The following TRPC7 variants were observed in gnomAD, a reference collection of about 807,000 sequenced individuals.
TRPC7 encodes transient receptor potential cation channel subfamily C member 7, also known as short transient receptor potential channel 7.
A neutral mutation model predicts 90.1 loss-of-function variants in TRPC7; 42 were observed. The ratio of observed to expected loss-of-function variants is 0.47; its 90% CI spans 0.36 to 0.60. TRPC7 has a LOEUF of 0.60. TRPC7 is among the 20% of genes least tolerant of loss of function. The pLI is 0.00. For synonymous variants in TRPC7, 451 were observed against 436.3 expected, an observed-to-expected ratio of 1.03 and a Z score of -0.42; for missense variants, 955 against 1,112.3, an observed-to-expected ratio of 0.86 and a Z score of 2.01.
intron 2 of TRPC7, among the ~76,000 whole-genome samples, chr5:136,337,574 G>T (rs1018304923): frequency 6.6e-6 from 1 of 151,770 alleles, no homozygotes; most frequent in Non-Finnish European, 1.5e-5. Flanking sequence ...GCTGAGGCAG[G>T]AGAATCACTT....
intron 10 of TRPC7, among the ~76,000 whole-genome samples, chr5:136,217,889 T>C (rs1755322491): frequency 1.3e-5 from 2 of 151,298 alleles, no homozygotes; most frequent in Non-Finnish European, 1.5e-5. Flanking sequence ...TGGTGGTGTG[T>C]GCCTGTAATC....
intron 2 of TRPC7, chr5:136,315,996 G>A: frequency 1.8e-6 from 1 of 566,596 alleles, no homozygotes; most frequent in South Asian, 2.3e-5. Context: ...GTCAGCATGT[G>A]TGAAGGTGTG....
intron 3 of TRPC7, among the ~76,000 whole-genome samples, chr5:136,278,687 C>T (rs969883328): frequency 6.6e-6 from 1 of 152,124 alleles, no homozygotes; most frequent in African/African-American, 2.4e-5. Flanking sequence ...AGGAGGGAGG[C>T]AGGGATTGGA....
chr5:136,242,811 G>C (rs1017468560), intron 7 of TRPC7, among the ~76,000 whole-genome samples: 4 of 152,176 alleles, frequency 2.6e-5, no homozygotes, highest in African/African-American at 9.7e-5. Flanking sequence ...CTAAGAGGAA[G>C]AGCCTGGGAA....
At chr5:136,349,569 G>GTC (rs201588212) in intron 2 of TRPC7, among the ~76,000 whole-genome samples, 3,764 of 152,284 alleles carry the variant, frequency 0.025, 77 homozygotes, top group Non-Finnish European at 0.043. Context: ...ACCCTGGGAG[G>GTC]TCGTTATTCA....
In TRPC7 at chr5:136,324,554, T is replaced by C. The variant is rs552618097; in HGVS notation, c.781-8775A>G. On this transcript the variant is annotated intron_variant, in intron 2 of 11. Transcript: ENST00000513104. Reference sequence around the variant, plus strand: ...TTTCTTTCCTTTTGATCCATAAATCTCCCAAGTTTATTTATTATTGACATG... The same window carrying C: ...TTTCTTTCCTTTTGATCCATAAATCCCCCAAGTTTATTTATTATTGACATG... Among the ~76,000 whole-genome samples the C allele has an allele frequency of 2.0e-5, 3 of 152,346 alleles. No individual in the cohort carries two copies. The South Asian group carries it at 6.2e-4, about 32-fold the overall frequency.
intron 8 of TRPC7, 69 bp downstream of exon 8, chr5:136,231,285 C>A (rs969989424): frequency 2.2e-6 from 3 of 1,343,432 alleles, no homozygotes; most frequent in African/African-American, 2.9e-5. Context: ...ACATCATTCC[C>A]CTCATTGCTG....
At chr5:136,303,466 T>C (rs1304549467) in intron 3 of TRPC7, among the ~76,000 whole-genome samples, 4 of 152,120 alleles carry the variant, frequency 2.6e-5, no homozygotes, top group Non-Finnish European at 5.9e-5. Context: ...TGAGTTGCAA[T>C]TCCTTGCCTC....
rs756589704 is a variant in TRPC7 at position 136,225,227 on chromosome 5, G to T, written c.2343+47C>A. The T allele has an allele frequency of 2.6e-6, 4 of 1,541,768 alleles. No homozygotes were observed. In the South Asian group the frequency reaches 4.6e-5, roughly 18 times the overall value. On this transcript the variant is annotated intron_variant, in intron 10 of 11. Transcript: ENST00000513104. Reference sequence around the variant, plus strand: ...ATGGGACTAAATCTGTGTCTTAGTGGAGTCTACTTCTGCCCATGCTTGGAT... The same window carrying T: ...ATGGGACTAAATCTGTGTCTTAGTGTAGTCTACTTCTGCCCATGCTTGGAT...
chr5:136,284,230 C>T (rs576432733), intron 3 of TRPC7, among the ~76,000 whole-genome samples: 1 of 152,118 alleles, frequency 6.6e-6, no homozygotes, highest in South Asian at 2.1e-4. Flanking sequence ...GGTAAGGTAC[C>T]CTGGGCACTT....
intron 2 of TRPC7, among the ~76,000 whole-genome samples, chr5:136,341,316 ATG>A (rs1207928520): frequency 6.6e-6 from 1 of 152,174 alleles, no homozygotes; most frequent in Non-Finnish European, 1.5e-5. Flanking sequence ...AGACTTGGAC[ATG>A]CTGATGTGGA....
intron 7 of TRPC7, among the ~76,000 whole-genome samples, chr5:136,233,656 G>C (rs1189948757): frequency 6.6e-6 from 1 of 152,172 alleles, no homozygotes; most frequent in Non-Finnish European, 1.5e-5. Flanking sequence ...TTATACACTT[G>C]TCATGGACCA....
At chr5:136,225,907 G>C in intron 9 of TRPC7, 127 bp downstream of exon 9, 1 of 738,110 alleles carries the variant, frequency 1.4e-6, no homozygotes, top group East Asian at 2.7e-5. Context: ...ACAGAGTACC[G>C]GCCCTCCCAG....
intron 3 of TRPC7, among the ~76,000 whole-genome samples, chr5:136,280,761 GTATT>G (rs1181893634): frequency 4.6e-5 from 7 of 152,300 alleles, no homozygotes; most frequent in East Asian, 3.9e-4. Context: ...AATTCAGAAA[GTATT>G]TATTTAATAA....
chr5:136,357,938 G>A (rs1212254641), intron 1 of TRPC7, among the ~76,000 whole-genome samples: 1 of 152,176 alleles, frequency 6.6e-6, no homozygotes, highest in African/African-American at 2.4e-5. Context: ...CTGTGCCATA[G>A]AGTTGGCCAT....
At chr5:136,310,469 C>G (rs932144158) in intron 3 of TRPC7, among the ~76,000 whole-genome samples, 74 of 152,160 alleles carry the variant, frequency 4.9e-4, no homozygotes, top group African/African-American at 1.6e-3. Flanking sequence ...TTGAGACTAG[C>G]TTTCTGAGCC....
intron 3 of TRPC7, among the ~76,000 whole-genome samples, chr5:136,283,414 C>T (rs1255434951): frequency 2.0e-5 from 3 of 152,208 alleles, no homozygotes; most frequent in Non-Finnish European, 4.4e-5. Context: ...AGCAGAGTTG[C>T]TGGAAGTGAA....
At chr5:136,296,555 ATC>A (rs1758178717) in intron 3 of TRPC7, among the ~76,000 whole-genome samples, 1 of 152,238 alleles carries the variant, frequency 6.6e-6, no homozygotes, top group Non-Finnish European at 1.5e-5. Flanking sequence ...TGGTACTTCA[ATC>A]TCATGCTAGC....
intron 7 of TRPC7, among the ~76,000 whole-genome samples, chr5:136,244,503 G>C (rs1756274185): frequency 6.6e-6 from 1 of 152,196 alleles, no homozygotes; most frequent in Non-Finnish European, 1.5e-5. Context: ...CTGTTTATTT[G>C]ACTACTTTGA....
Sources: gnomAD v4.1 joint callset for allele counts (sites outside exome capture counted in the v4.1 genomes callset) on GRCh38, gnomAD v4.1.1 for gene constraint, MANE v1.5 for transcripts, NCBI Gene and HGNC (gene_info 2026-07-23, HGNC 2026-07-21) for gene names.